Variants in FOCAD observed in about 807,000 individuals in gnomAD.
FOCAD encodes the protein KIAA1797.
In FOCAD, 198 loss-of-function variants were observed where a neutral mutation model predicts 225.6. The ratio of observed to expected loss-of-function variants is 0.88; its 90% CI spans 0.78 to 0.99. FOCAD has a LOEUF of 0.99. Among genes scored for constraint, FOCAD ranks in the 50% least tolerant of loss-of-function variants. The pLI is 0.00. For missense variants in FOCAD, 2,713 were observed against 2,123.6 expected (o/e 1.28, Z -5.46); for synonymous variants, 897 against 755.0 (o/e 1.19, Z -3.08).
intron 1 of FOCAD, among the ~76,000 whole-genome samples, chr9:20,703,925 G>C (rs1054062887): frequency 6.6e-6 from 1 of 152,212 alleles, no homozygotes; most frequent in African/African-American, 2.4e-5. Context: ...TTGCATCCAG[G>C]TCTATGGTTC....
At chr9:20,859,381 CAA>C (rs761990067) in intron 15 of FOCAD, among the ~76,000 whole-genome samples, 7 of 121,166 alleles carry the variant, frequency 5.8e-5, no homozygotes, top group Non-Finnish European at 7.0e-5. Context: ...AACTCCATCT[CAA>C]AAAAAAAAAA....
chr9:20,956,260 A>G (rs1336654751), intron 35 of FOCAD, among the ~76,000 whole-genome samples: 1 of 152,210 alleles, frequency 6.6e-6, no homozygotes, highest in East Asian at 1.9e-4. Context: ...AATACGAGAA[A>G]GCTGTCCTGT....
intron 11 of FOCAD, among the ~76,000 whole-genome samples, chr9:20,808,039 TCC>T (rs1485123103): frequency 2.0e-5 from 3 of 151,396 alleles, no homozygotes; most frequent in Non-Finnish European, 4.4e-5. Context: ...AGAGTGAGAC[TCC>T]GTCTAAGAAA....
At chr9:20,758,776 G>T (rs1009100837) in intron 6 of FOCAD, among the ~76,000 whole-genome samples, 2 of 152,074 alleles carry the variant, frequency 1.3e-5, no homozygotes, top group Non-Finnish European at 2.9e-5. Flanking sequence ...GGGCAATTAG[G>T]CAGGAGAAGG....
chr9:20,946,864 C>T, intron 30 of FOCAD, 44 bp downstream of exon 30: 1 of 1,605,394 alleles, frequency 6.2e-7, no homozygotes, highest in Non-Finnish European at 8.5e-7. Context: ...GGGTCTCATG[C>T]TGCTGCTAAG....
chr9:20,656,349 G>A (rs1237748329), upstream of FOCAD, among the ~76,000 whole-genome samples: 3 of 151,702 alleles, frequency 2.0e-5, no homozygotes, highest in Admixed American at 1.3e-4. Context: ...TTTCTGTCTC[G>A]TTGATCTGTC....
chr9:20,719,360 G>A (rs1825598986), intron 3 of FOCAD, among the ~76,000 whole-genome samples: 1 of 152,188 alleles, frequency 6.6e-6, no homozygotes, highest in Non-Finnish European at 1.5e-5. Flanking sequence ...TGGGATTACA[G>A]GCATGAGCCA....
At chr9:20,936,943 CAA>C (rs1836038854) in intron 28 of FOCAD, among the ~76,000 whole-genome samples, 2 of 152,048 alleles carry the variant, frequency 1.3e-5, no homozygotes, top group Admixed American at 6.5e-5. Flanking sequence ...AACAGACAAA[CAA>C]AGAGCCAAAT....
intron 11 of FOCAD, among the ~76,000 whole-genome samples, chr9:20,803,314 C>G (rs756626430): frequency 5.9e-5 from 9 of 152,094 alleles, no homozygotes; most frequent in African/African-American, 1.7e-4. Context: ...TACCTTCTAC[C>G]TGCCCCATGT....
intron 18 of FOCAD, among the ~76,000 whole-genome samples, chr9:20,871,339 GT>G (rs940618415): frequency 1.1e-4 from 17 of 152,036 alleles, no homozygotes; most frequent in Non-Finnish European, 2.4e-4. Context: ...AGTAATTGCA[GT>G]TTTTTTCTTT....
chr9:20,685,949 G>GTTGA (rs1260478649), intron 1 of FOCAD, among the ~76,000 whole-genome samples: 1 of 152,060 alleles, frequency 6.6e-6, no homozygotes, highest in Non-Finnish European at 1.5e-5. Flanking sequence ...TTTTTCATTT[G>GTTGA]TTGATTGATT....
chr9:20,804,783 C>T (rs567085824), intron 11 of FOCAD, among the ~76,000 whole-genome samples: 52 of 148,040 alleles, frequency 3.5e-4, no homozygotes, highest in South Asian at 1.1e-3. Flanking sequence ...AATATTTTAG[C>T]GGTAAATGAC....
chr9:20,660,204 T>C (rs1340114088), intron 2 of FOCAD, among the ~76,000 whole-genome samples: 2 of 152,160 alleles, frequency 1.3e-5, no homozygotes, highest in African/African-American at 4.8e-5. Context: ...ATAACAGCAA[T>C]AATAGTAGTT....
chr9:20,995,766 C>A lies in FOCAD; in HGVS notation c.*137C>A. ...AAGGGTCATGAAAAGATGGCCACAT[C>A]ACTGACAGCTTGACACATGCCTCCT... On this transcript the variant is annotated 3_prime_UTR_variant, in exon 44 of 44. Coordinates refer to ENST00000338382, the MANE Select transcript of FOCAD (RefSeq NM_001375567.1). 1 of 687,336 alleles carries A rather than the reference C, an allele frequency of 1.5e-6. No individual in the cohort carries two copies. The highest frequency in any genetic ancestry group is 2.4e-6 in the Non-Finnish European group (1 of 411,698). The allele number at this position is 687,336 out of a possible 1,614,324, so 42.6% of individuals were successfully genotyped here.
chr9:20,745,422 G>A (rs1343101519), intron 5 of FOCAD, among the ~76,000 whole-genome samples: 1 of 152,180 alleles, frequency 6.6e-6, no homozygotes, highest in Non-Finnish European at 1.5e-5. Context: ...GATCGTGCAG[G>A]AAGTGGGCAG....
chr9:20,949,259 G>A lies in FOCAD; in HGVS notation c.3876+331G>A, dbSNP rs146941922. 1.9e-3 allele frequency among the ~76,000 whole-genome samples: 295 copies of A among 152,266 alleles called. 3 individuals are homozygous for A. Among genetic ancestry groups the A allele is most frequent in the Non-Finnish European group, 2.4e-3 (162 of 68,008 alleles). On this transcript the variant is annotated intron_variant, in intron 32 of 43. Coordinates refer to ENST00000338382, the MANE Select transcript of FOCAD (RefSeq NM_001375567.1). ...AAGAAACTCCATTTTGCATCTTAAT[G>A]TCTGATATATGTCTATGTGGTTGTT... is the stretch of plus-strand genomic sequence containing the variant.
At chr9:20,819,154 T>G (rs1824047841) in intron 11 of FOCAD, among the ~76,000 whole-genome samples, 1 of 152,172 alleles carries the variant, frequency 6.6e-6, no homozygotes. Context: ...GAAATTTTAT[T>G]GTTTACATAC....
At chr9:20,826,042 G>C (rs1824855155) in intron 15 of FOCAD, among the ~76,000 whole-genome samples, 1 of 151,990 alleles carries the variant, frequency 6.6e-6, no homozygotes. Context: ...TTACAAGTTT[G>C]TTTTTAGGGC....
chr9:20,995,701 A>C lies in FOCAD; in HGVS notation c.*72A>C, dbSNP rs1842010045. The C allele has an allele frequency of 7.4e-7, 1 of 1,360,194 alleles. No individual in the cohort carries two copies. The highest frequency in any genetic ancestry group is 2.3e-5 in the East Asian group (1 of 43,176). The allele number at this position is 1,360,194 out of a possible 1,614,324, so 84.3% of individuals were successfully genotyped here. ...CATATAAGTGGAAGAAGTTTTTCAG[A>C]ATTCATGCCTGGTATTGCTGAGACA... On this transcript the variant is annotated 3_prime_UTR_variant, in exon 44 of 44. Transcript: ENST00000338382.
Sources: allele counts gnomAD v4.1 joint callset (sites outside exome capture counted in the v4.1 genomes callset), GRCh38; gene constraint gnomAD v4.1.1; transcripts MANE v1.5; gene names NCBI Gene and HGNC (gene_info 2026-07-23, HGNC 2026-07-21).